The following KDM4A variants were observed in gnomAD, a reference collection of about 807,000 sequenced individuals.
The protein encoded by KDM4A is lysine-specific demethylase 4A.
In KDM4A, 23 loss-of-function variants were observed where a neutral mutation model predicts 127.1. That is an observed-to-expected ratio of 0.18 (90% CI 0.13 to 0.26). The LOEUF is 0.26. Ranked by LOEUF, KDM4A falls within the 10% of genes least tolerant of loss-of-function variation. The pLI, the probability that KDM4A is intolerant of heterozygous loss-of-function variation, is 1.00. For synonymous variants in KDM4A, 443 were observed against 466.5 expected, an observed-to-expected ratio of 0.95 and a Z score of 0.65; for missense variants, 890 against 1,329.1, an observed-to-expected ratio of 0.67 and a Z score of 5.14.
intron 11 of KDM4A, among the ~76,000 whole-genome samples, chr1:43,673,524 A>G (rs562798178): frequency 4.0e-5 from 6 of 151,038 alleles, no homozygotes; most frequent in Admixed American, 1.3e-4. Flanking sequence ...CTTGTTGTTG[A>G]TACTCATAAC....
intron 4 of KDM4A, among the ~76,000 whole-genome samples, chr1:43,661,292 A>C (rs183406244): frequency 3.0e-4 from 45 of 151,790 alleles, no homozygotes; most frequent in Non-Finnish European, 5.0e-4. Context: ...TAATGTTTTT[A>C]TCAATTATTG....
chr1:43,691,629 C>A, intron 15 of KDM4A, 57 bp downstream of exon 15: 1 of 1,452,898 alleles, frequency 6.9e-7, no homozygotes, highest in Non-Finnish European at 9.7e-7. Context: ...ATATTCAGGG[C>A]CAGACGATTT....
rs750266103 is a variant in KDM4A at position 43,655,736 on chromosome 1, G to A, written c.284G>A (p.Arg95Gln). Reference protein sequence around the residue: ...YNIQKKAMTVREFRKIANSDK... With the variant: ...YNIQKKAMTVQEFRKIANSDK... The stretch of plus-strand genomic sequence containing the variant: ...ATACAGAAGAAAGCCATGACTGTTC[G>A]AGAGTTCCGCAAGATAGCCAATAGC... Residue 95 changes from arginine (R) to glutamine (Q), a missense_variant, in exon 3 of 22, where the codon CGA becomes CAA. Coordinates refer to ENST00000372396, the MANE Select transcript of KDM4A (RefSeq NM_014663.3). 5 of 1,612,348 alleles carry A rather than the reference G, an allele frequency of 3.1e-6. No individual in the cohort carries two copies. Among genetic ancestry groups the A allele is most frequent in the Non-Finnish European group, 4.2e-6 (5 of 1,179,158 alleles).
Position 43,688,871 on chromosome 1 carries a change from G to C in KDM4A, c.1856-43G>C, listed in dbSNP as rs1557916988. 1 of 1,573,446 alleles carries C rather than the reference G, an allele frequency of 6.4e-7. No individual in the cohort carries two copies. The highest frequency in any genetic ancestry group is 2.2e-5 in the East Asian group (1 of 44,520). ...CTGTTCTCCAGGCAGAGCCACAGAT[G>C]TGCAGGGTTAGTGCTGACTCACACT... On this transcript the variant is annotated intron_variant, in intron 12 of 21. Coordinates refer to ENST00000372396, the MANE Select transcript of KDM4A (RefSeq NM_014663.3). The surrounding 1 kb of genome is among the most constrained non-coding windows in gnomAD (Gnocchi z 4.4).
chr1:43,691,189 C>T (rs2154048578), intron 14 of KDM4A, 140 bp downstream of exon 14: 1 of 868,268 alleles, frequency 1.2e-6, no homozygotes, highest in East Asian at 2.5e-5. Context: ...GCTGATTTTT[C>T]ACTGTCTCCA....
At position 43,674,516 on chromosome 1, in the gene KDM4A, C is replaced by CTT. The variant is rs35692956; in HGVS notation, c.1734+2653_1734+2654dup. Among the ~76,000 whole-genome samples, 94 of 145,588 alleles carry CTT rather than the reference C, an allele frequency of 6.5e-4. 1 individual carries two copies. The Middle Eastern group carries it at 0.014, about 22-fold the overall frequency. On this transcript the variant is annotated intron_variant, in intron 11 of 21. Transcript: ENST00000372396. Reference sequence around the variant, plus strand: ...AACCTGTGACTAAATGGCCCTGCTACTTTTTTTTTTTTTGTGGGGGGACTG... The same window carrying CTT: ...AACCTGTGACTAAATGGCCCTGCTACTTTTTTTTTTTTTTTGTGGGGGGACTG...
chr1:43,699,097 T>C (rs7532558), intron 19 of KDM4A, among the ~76,000 whole-genome samples: 1 of 150,340 alleles, frequency 6.7e-6, no homozygotes, highest in Non-Finnish European at 1.5e-5. Context: ...CCTTATTTTT[T>C]TTTTTTTTTT....
chr1:43,654,765 T>C (rs980153047), intron 2 of KDM4A, among the ~76,000 whole-genome samples: 2 of 149,700 alleles, frequency 1.3e-5, no homozygotes, highest in African/African-American at 4.9e-5. Context: ...TTACATAAAG[T>C]AAAACAATAC....
rs148409436 is a variant in KDM4A at position 43,688,980 on chromosome 1, G to C, written c.1922G>C (p.Ser641Thr). The C allele has an allele frequency of 6.8e-4, 1,098 of 1,614,216 alleles. 5 individuals are homozygous for C. The African/African-American group carries it at 0.013, about 19-fold the overall frequency. ...ACAGAGGCCTGGGCCAAGCCTCTGAGCCAACTGTGGCAGAACCGACCTCCA... is the reference window on the plus strand; with the variant it reads ...ACAGAGGCCTGGGCCAAGCCTCTGACCCAACTGTGGCAGAACCGACCTCCA... ...EETEAWAKPL[S>T]QLWQNRPPNF... is the part of the protein sequence containing the mutation. The change falls in exon 13 of 22, where the codon AGC becomes ACC. Residue 641 changes from serine (S) to threonine (T), a missense_variant. This residue lies in a region of KDM4A where 389 missense variants were observed against 485.9 expected (regional missense o/e 0.80). Transcript: ENST00000372396. The surrounding 1 kb of genome is among the most constrained non-coding windows in gnomAD (Gnocchi z 4.4).
chr1:43,688,423 C>G lies in KDM4A; in HGVS notation c.1856-491C>G, dbSNP rs1661037553. On this transcript the variant is annotated intron_variant, in intron 12 of 21. Coordinates refer to ENST00000372396, the MANE Select transcript of KDM4A (RefSeq NM_014663.3). This position sits in a 1 kb window ranked among gnomAD's most constrained non-coding sequence, Gnocchi z 4.4. ...CCAGAGGAAGCTGGTAAGTCCTGGC[C>G]AAGGACCATGATATTACAACTTTTA... Among the ~76,000 whole-genome samples, 1 of 152,102 alleles carries G rather than the reference C, an allele frequency of 6.6e-6. No homozygotes were observed. Among genetic ancestry groups the G allele is most frequent in the African/African-American group, 2.4e-5 (1 of 41,372 alleles).
At chr1:43,667,218 TGTC>T in intron 8 of KDM4A, 127 bp downstream of exon 8, 3 of 1,014,386 alleles carry the variant, frequency 3.0e-6, no homozygotes, top group Non-Finnish European at 4.4e-6. Flanking sequence ...GCTAGCAATG[TGTC>T]AGAGTACTAA....
At chr1:43,691,425 A>C (rs1570866830) in intron 14 of KDM4A, 71 bp from the exon 15 acceptor site, 2 of 1,265,606 alleles carry the variant, frequency 1.6e-6, no homozygotes, top group East Asian at 2.3e-5. Flanking sequence ...TGGTATATGG[A>C]AAGGAATTGC....
intron 9 of KDM4A, among the ~76,000 whole-genome samples, chr1:43,668,435 C>A (rs186988338): frequency 6.6e-6 from 1 of 152,260 alleles, no homozygotes; most frequent in Non-Finnish European, 1.5e-5. Context: ...GAGGCTGTTT[C>A]TAAGATGCCG....
chr1:43,697,209 G>C (rs921624912), intron 18 of KDM4A, among the ~76,000 whole-genome samples: 1 of 152,242 alleles, frequency 6.6e-6, no homozygotes, highest in African/African-American at 2.4e-5. Context: ...AGCATGGCTG[G>C]GGCAGAGTGC....
chr1:43,661,375 G>A (rs1161409994), intron 4 of KDM4A, among the ~76,000 whole-genome samples: 2 of 151,782 alleles, frequency 1.3e-5, no homozygotes, highest in Non-Finnish European at 2.9e-5. Context: ...TTGGGAGGCT[G>A]AGGTGGATGG....
chr1:43,653,957 T>C (rs947593078), intron 2 of KDM4A, among the ~76,000 whole-genome samples: 1 of 152,122 alleles, frequency 6.6e-6, no homozygotes, highest in Non-Finnish European at 1.5e-5. Context: ...GGAAATTTTT[T>C]ACACCATTTT....
intron 2 of KDM4A, among the ~76,000 whole-genome samples, chr1:43,654,712 T>A (rs1570808363): frequency 2.0e-5 from 2 of 98,120 alleles, no homozygotes; most frequent in Middle Eastern, 5.8e-3. Flanking sequence ...AGTGTGTGTG[T>A]GTGTGTGTGT....
At chr1:43,682,035 C>G (rs1660870981) in intron 11 of KDM4A, among the ~76,000 whole-genome samples, 1 of 152,170 alleles carries the variant, frequency 6.6e-6, no homozygotes, top group Non-Finnish European at 1.5e-5. Flanking sequence ...GTGGTGCAGT[C>G]TCAGCTCACT....
In KDM4A at chr1:43,690,321, C is replaced by T. The variant is rs1021230747; in HGVS notation, c.2038-524C>T. On this transcript the variant is annotated intron_variant, in intron 13 of 21. Transcript: ENST00000372396. ...GTAGCAGCCTAGCTGCTAACATCTC[C>T]GTGCATTTTTTTTTTTTTTAGACGG... Among the ~76,000 whole-genome samples the T allele has an allele frequency of 1.1e-4, 17 of 152,042 alleles. 1 individual carries two copies. The highest frequency in any genetic ancestry group is 4.1e-4 in the South Asian group (2 of 4,830).
Sources: allele counts gnomAD v4.1 joint callset (sites outside exome capture counted in the v4.1 genomes callset), GRCh38; gene constraint gnomAD v4.1.1; regional missense constraint gnomAD v4.1.1; non-coding constraint Gnocchi (gnomAD v3.1); transcripts MANE v1.5; gene names NCBI Gene and HGNC (gene_info 2026-07-23, HGNC 2026-07-21).